AP3B2: variants seen among roughly 807,000 people sequenced by gnomAD.
AP3B2 encodes the protein adaptor related protein complex 3 subunit beta 2.
A neutral mutation model predicts 126.9 loss-of-function variants in AP3B2; 50 were observed. The observed-to-expected ratio is 0.39, with a 90% CI of 0.31 to 0.50. The LOEUF (loss-of-function observed/expected upper bound fraction) is 0.50, where lower values mean the gene tolerates loss of function less well. AP3B2 is among the 20% of genes least tolerant of loss of function. The pLI is 0.79. For missense variants in AP3B2, 1,177 were observed against 1,426.4 expected (o/e 0.83, Z 2.82); for synonymous variants, 541 against 565.0 (o/e 0.96, Z 0.60).
At chr15:82,674,265 C>T (rs1240565216) in intron 14 of AP3B2, among the ~76,000 whole-genome samples, 5 of 152,198 alleles carry the variant, frequency 3.3e-5, no homozygotes, top group Admixed American at 6.5e-5. Context: ...TGGTCATGTG[C>T]GCATCCAAAC....
rs2151427666 is a variant in AP3B2 at position 82,662,808 on chromosome 15, T to C, written c.2719A>G (p.Met907Val). Reference protein sequence around the residue: ...SRQPFSGDPHMVSVHIHFSNS... With the variant: ...SRQPFSGDPHVVSVHIHFSNS... Reference sequence around the variant, plus strand: ...GAGAAGTGGATGTGCACGGACACCATGTGGGGATCCCCGGAGAAAGGTTGG... The same window carrying C: ...GAGAAGTGGATGTGCACGGACACCACGTGGGGATCCCCGGAGAAAGGTTGG... Residue 907 changes from methionine (M) to valine (V), a missense_variant, in exon 23 of 27, where the codon ATG becomes GTG. Met to Val is a conservative substitution (Grantham distance 21, BLOSUM62 1). Coordinates refer to ENST00000535359, the MANE Select transcript of AP3B2 (RefSeq NM_001278512.2). The C allele has an allele frequency of 6.2e-7, 1 of 1,613,770 alleles. No individual in the cohort carries two copies. The highest frequency in any genetic ancestry group is 8.5e-7 in the Non-Finnish European group (1 of 1,179,810).
At chr15:82,708,008 A>G (rs961590249) in intron 1 of AP3B2, among the ~76,000 whole-genome samples, 1 of 152,112 alleles carries the variant, frequency 6.6e-6, no homozygotes, top group South Asian at 2.1e-4. Flanking sequence ...TTTTCTTATT[A>G]ATAAAAGAAG....
At chr15:82,676,023 A>G (rs1456687771) in intron 14 of AP3B2, among the ~76,000 whole-genome samples, 2 of 152,160 alleles carry the variant, frequency 1.3e-5, no homozygotes, top group Admixed American at 1.3e-4. Flanking sequence ...AGCACCACCC[A>G]AGCCCAAGCA....
chr15:82,672,886 G>A (rs1242857215), intron 14 of AP3B2, among the ~76,000 whole-genome samples: 1 of 152,200 alleles, frequency 6.6e-6, no homozygotes, highest in African/African-American at 2.4e-5. Flanking sequence ...CCTCTAGAAG[G>A]CAAGGGCAGC....
intron 2 of AP3B2, 22 bp downstream of exon 2, chr15:82,689,355 AG>A: frequency 6.2e-7 from 1 of 1,613,416 alleles, no homozygotes; most frequent in Non-Finnish European, 8.5e-7. Context: ...GCCCGGAGGG[AG>A]GCCTCCTCCT....
intron 1 of AP3B2, among the ~76,000 whole-genome samples, chr15:82,705,357 A>G (rs903666155): frequency 5.9e-5 from 9 of 152,192 alleles, no homozygotes; most frequent in African/African-American, 2.2e-4. Context: ...TTCAAAAACC[A>G]GACAAGTCTT....
intron 1 of AP3B2, among the ~76,000 whole-genome samples, chr15:82,697,610 G>A (rs951163394): frequency 2.0e-5 from 3 of 152,204 alleles, no homozygotes; most frequent in Non-Finnish European, 4.4e-5. Context: ...GCACTAAGAA[G>A]TCACTATCCC....
At chr15:82,689,623 A>G in intron 1 of AP3B2, 170 bp from the exon 2 acceptor site, 1 of 613,026 alleles carries the variant, frequency 1.6e-6, no homozygotes, top group East Asian at 2.8e-5. Context: ...CAGGGGAAAC[A>G]TGTGGCCAGC....
In AP3B2 at chr15:82,663,852, T is replaced by C. The variant is rs768814861; in HGVS notation, c.2385A>G (p.Thr795=). ...SSSSSSESEM[T]SESEEEQLEP... ...CTAACTGCTCCTCCTCGGACTCCGA[T>C]GTCATCTCGGACTCTGATGAGCTAC... Residue 795 remains threonine, a synonymous_variant, in exon 20 of 27, where the codon ACA becomes ACG. Coordinates refer to ENST00000535359, the MANE Select transcript of AP3B2 (RefSeq NM_001278512.2). 5 of 1,613,972 alleles carry C rather than the reference T, an allele frequency of 3.1e-6. No individual in the cohort carries two copies. The highest frequency in any genetic ancestry group is 2.2e-5 in the South Asian group (2 of 91,064).
chr15:82,677,284 T>C lies in AP3B2; in HGVS notation c.1478A>G (p.Asp493Gly). 6.2e-7 allele frequency: 1 copy of C among 1,613,320 alleles called. No homozygotes were observed. Among genetic ancestry groups the C allele is most frequent in the South Asian group, 1.1e-5 (1 of 90,886 alleles). The change falls in exon 13 of 27, where the codon GAC becomes GGC. Residue 493 changes from aspartate to glycine, a missense_variant. Physicochemically the swap from Asp to Gly is moderately conservative, Grantham distance 94. Coordinates refer to ENST00000535359, the MANE Select transcript of AP3B2 (RefSeq NM_001278512.2). Reference sequence around the variant, plus strand: ...TGGCTTCTCCCTCACCTGGATGTTGTCTGTAAGCTTTGCCAAGTGTTTGAT... The same window carrying C: ...TGGCTTCTCCCTCACCTGGATGTTGCCTGTAAGCTTTGCCAAGTGTTTGAT... ...EIIKHLAKLTDNIQVPMARAS... is the reference protein window; with the variant it reads ...EIIKHLAKLTGNIQVPMARAS...
At chr15:82,702,784 C>T (rs1452973158) in intron 1 of AP3B2, among the ~76,000 whole-genome samples, 1 of 152,182 alleles carries the variant, frequency 6.6e-6, no homozygotes, top group Non-Finnish European at 1.5e-5. Flanking sequence ...AAATTTGGTG[C>T]CATGACTCGG....
chr15:82,695,386 G>C (rs1248807899), intron 1 of AP3B2, among the ~76,000 whole-genome samples: 1 of 152,058 alleles, frequency 6.6e-6, no homozygotes, highest in Non-Finnish European at 1.5e-5. Context: ...GGCGTGAGCT[G>C]CTGTGCCCAG....
chr15:82,668,179 T>G (rs2048090797), intron 14 of AP3B2, among the ~76,000 whole-genome samples: 1 of 152,204 alleles, frequency 6.6e-6, no homozygotes, highest in Non-Finnish European at 1.5e-5. Context: ...CACACCACTC[T>G]AGAGAGCCAC....
Position 82,659,521 on chromosome 15 carries a change from G to T in AP3B2, c.*39C>A. 1.2e-6 allele frequency: 2 copies of T among 1,606,814 alleles called. No homozygotes were observed. Among genetic ancestry groups the T allele is most frequent in the East Asian group, 2.2e-5 (1 of 44,706 alleles). On this transcript the variant is annotated 3_prime_UTR_variant, in exon 27 of 27. Coordinates refer to ENST00000535359, the MANE Select transcript of AP3B2 (RefSeq NM_001278512.2). ...ACTGACAGCCTAGGTGTCATGGGGAGGTATAGATGGGAGCCAAACAGGTCA... is the reference window on the plus strand; with the variant it reads ...ACTGACAGCCTAGGTGTCATGGGGATGTATAGATGGGAGCCAAACAGGTCA...
At position 82,664,214 on chromosome 15, in the gene AP3B2, G is replaced by T. The variant is rs978468118; in HGVS notation, c.2261+153C>A. Among the ~76,000 whole-genome samples, 5 of 152,210 alleles carry T rather than the reference G, an allele frequency of 3.3e-5. No homozygotes were observed. The highest frequency in any genetic ancestry group is 7.2e-5 in the African/African-American group (3 of 41,452). ...CATGAGGCCTCAGAGATCTCCTGCA[G>T]CCAGCGAAAGTAGGCGTCATGTGAG... On this transcript the variant is annotated intron_variant, in intron 19 of 26. Transcript: ENST00000535359. The surrounding 1 kb of genome is among the most constrained non-coding windows in gnomAD (Gnocchi z 4.5).
In AP3B2 at chr15:82,664,799, A is replaced by G. The variant is rs771734959; in HGVS notation, c.2137+36T>C. 2.7e-6 allele frequency: 4 copies of G among 1,471,486 alleles called. No individual in the cohort carries two copies. The South Asian group carries it at 4.8e-5, about 18-fold the overall frequency. The allele number at this position is 1,471,486 out of a possible 1,614,324, so 91.2% of individuals were successfully genotyped here. A position where few individuals can be genotyped will look rare whatever the true frequency, so the allele number is the denominator to read the frequency against. ...TAGTCAGTCACACAGATGCATGGGC[A>G]GAGCACAGAGGACCCCAGCTCTGCC... On this transcript the variant is annotated intron_variant, in intron 18 of 26. Coordinates refer to ENST00000535359, the MANE Select transcript of AP3B2 (RefSeq NM_001278512.2). This position sits in a 1 kb window ranked among gnomAD's most constrained non-coding sequence, Gnocchi z 4.5.
At chr15:82,663,452 C>T in intron 21 of AP3B2, 108 bp downstream of exon 21, 2 of 1,296,292 alleles carry the variant, frequency 1.5e-6, no homozygotes, top group East Asian at 2.3e-5. Flanking sequence ...CTGTCTGCTC[C>T]CCTGCTCCCA....
At chr15:82,700,437 T>G (rs1367245949) in intron 1 of AP3B2, among the ~76,000 whole-genome samples, 1 of 118,576 alleles carries the variant, frequency 8.4e-6, no homozygotes, top group African/African-American at 3.2e-5. Flanking sequence ...TCACTCTTAT[T>G]GCCCAGGCTG....
chr15:82,691,616 T>A (rs1379283614), intron 1 of AP3B2: 32 of 862,522 alleles, frequency 3.7e-5, no homozygotes, highest in Middle Eastern at 4.3e-4. Flanking sequence ...AAAAAAAAAA[T>A]TAAAATAATT....
Sources: gnomAD v4.1 joint callset for allele counts (sites outside exome capture counted in the v4.1 genomes callset) on GRCh38, gnomAD v4.1.1 for gene constraint, Gnocchi (gnomAD v3.1) non-coding constraint, MANE v1.5 for transcripts, NCBI Gene and HGNC (gene_info 2026-07-23, HGNC 2026-07-21) for gene names.